Variants in SMARCAD1 observed in about 807,000 individuals in gnomAD.
SMARCAD1 encodes the protein SNF2 related chromatin remodeling ATPase with DExD box 1.
A neutral mutation model predicts 127.1 loss-of-function variants in SMARCAD1; 25 were observed. That is an observed-to-expected ratio of 0.20 (90% confidence interval 0.14 to 0.27). The LOEUF is 0.27. Ranked by LOEUF, SMARCAD1 falls within the 10% of genes least tolerant of loss-of-function variation. The pLI is 1.00. For missense variants in SMARCAD1, 807 were observed against 1,206.0 expected (o/e 0.67, Z 4.90); for synonymous variants, 400 against 396.9 (o/e 1.01, Z -0.09).
intron 2 of SMARCAD1, among the ~76,000 whole-genome samples, chr4:94,219,698 T>G (rs1743788851): frequency 6.6e-6 from 1 of 152,202 alleles, no homozygotes; most frequent in Non-Finnish European, 1.5e-5. Context: ...TTAAAACAAG[T>G]TAGCTTTTCC....
At position 94,278,704 on chromosome 4, in the gene SMARCAD1, A is replaced by G. The variant is rs142593051; in HGVS notation, c.2267A>G (p.Asn756Ser). The change falls in exon 18 of 24, where the codon AAC becomes AGC. Residue 756 changes from asparagine to serine, a missense_variant. By Grantham distance (46) the Asn-to-Ser change is conservative. Transcript: ENST00000354268. ...GAGCAACTCTATTTGGGTCTTTTCA[A>G]CAGATTGAAAAAATCTATCAATAAC... ...KQEQLYLGLF[N>S]RLKKSINNLE... The G allele has an allele frequency of 2.6e-4, 416 of 1,614,092 alleles. 2 individuals carry two copies. The African/African-American group carries it at 4.8e-3, about 18-fold the overall frequency.
chr4:94,249,247 A>G (rs1748913168), intron 6 of SMARCAD1, among the ~76,000 whole-genome samples: 1 of 152,104 alleles, frequency 6.6e-6, no homozygotes, highest in Non-Finnish European at 1.5e-5. Flanking sequence ...TCTTCTCAGA[A>G]TTTGAAATTT....
In SMARCAD1 at chr4:94,249,671, G is replaced by A. The variant is rs758064572; in HGVS notation, c.723G>A (p.Glu241=). ...TRLDHGEESN[E]SAESSSNWEK... Reference sequence around the variant, plus strand: ...CCCATTAGGGAGAGGAATCAAATGAGTCTGCAGAATCTAGCAGTAATTGGG... The same window carrying A: ...CCCATTAGGGAGAGGAATCAAATGAATCTGCAGAATCTAGCAGTAATTGGG... The change falls in exon 7 of 24, where the codon GAG becomes GAA. Residue 241 remains glutamate (E), a synonymous_variant. Transcript: ENST00000354268. 5.8e-5 allele frequency: 93 copies of A among 1,597,240 alleles called. No individual in the cohort carries two copies. The highest frequency in any genetic ancestry group is 1.2e-4 in the Admixed American group (7 of 59,912).
intron 4 of SMARCAD1, among the ~76,000 whole-genome samples, chr4:94,234,460 C>A (rs942366239): frequency 2.0e-5 from 3 of 152,122 alleles, no homozygotes; most frequent in Non-Finnish European, 4.4e-5. Context: ...ACAACTGTGA[C>A]AAGGGTTTTT....
intron 9 of SMARCAD1, among the ~76,000 whole-genome samples, chr4:94,253,995 C>G (rs1749681161): frequency 6.6e-6 from 1 of 152,080 alleles, no homozygotes; most frequent in Admixed American, 6.5e-5. Flanking sequence ...TAATTTTATA[C>G]TTGAAACAAA....
chr4:94,280,467 C>T (rs558707519), intron 19 of SMARCAD1, 125 bp from the exon 20 acceptor site: 1 of 823,274 alleles, frequency 1.2e-6, no homozygotes, highest in South Asian at 1.7e-5. Flanking sequence ...CTTGATAAGT[C>T]TGTTACACTA....
rs150153569 is a variant in SMARCAD1 at position 94,282,806 on chromosome 4, G to C, written c.2727-315G>C. Among the ~76,000 whole-genome samples, 108 of 152,024 alleles carry C rather than the reference G, an allele frequency of 7.1e-4. 1 individual carries two copies. The highest frequency in any genetic ancestry group is 2.5e-3 in the African/African-American group (105 of 41,496). ...GTAGGAGCCGATATACTTCTGAGAAGGTTAAAGATTGAAAAGCCATACACA... is the reference window on the plus strand; with the variant it reads ...GTAGGAGCCGATATACTTCTGAGAACGTTAAAGATTGAAAAGCCATACACA... On this transcript the variant is annotated intron_variant, in intron 21 of 23. Coordinates refer to ENST00000354268, the MANE Select transcript of SMARCAD1 (RefSeq NM_020159.5).
intron 10 of SMARCAD1, 140 bp from the exon 11 acceptor site, chr4:94,270,588 T>C: frequency 1.5e-6 from 1 of 650,716 alleles, no homozygotes; most frequent in Non-Finnish European, 2.8e-6. Flanking sequence ...TTCATTTTTT[T>C]TAAGTAGGTG....
chr4:94,270,478 A>G (rs540184709), intron 10 of SMARCAD1: 52 of 413,142 alleles, frequency 1.3e-4, no homozygotes, highest in African/African-American at 8.5e-4. Flanking sequence ...TGGAGGTACT[A>G]TATTATGACC....
chr4:94,221,223 A>AT (rs1744071759), intron 2 of SMARCAD1, among the ~76,000 whole-genome samples: 1 of 152,194 alleles, frequency 6.6e-6, no homozygotes, highest in South Asian at 2.1e-4. Flanking sequence ...AACAAAAGTA[A>AT]TTTTTTAATA....
intron 18 of SMARCAD1, 64 bp downstream of exon 18, chr4:94,278,797 A>T: frequency 6.3e-7 from 1 of 1,597,382 alleles, no homozygotes. Context: ...CATTTTGTTT[A>T]GTCATATAAT....
intron 2 of SMARCAD1, among the ~76,000 whole-genome samples, chr4:94,210,908 T>G (rs1448093166): frequency 4.8e-5 from 5 of 104,590 alleles, no homozygotes; most frequent in African/African-American, 1.9e-4. Context: ...CACTCCAGCC[T>G]GGGGGACAGA....
At chr4:94,251,644 G>T (rs1184918477) in intron 8 of SMARCAD1, among the ~76,000 whole-genome samples, 16 of 152,074 alleles carry the variant, frequency 1.1e-4, no homozygotes, top group African/African-American at 2.9e-4. Context: ...AAAAATAAAG[G>T]TATGATAATC....
intron 7 of SMARCAD1, among the ~76,000 whole-genome samples, chr4:94,250,477 A>G (rs1749119884): frequency 1.3e-5 from 2 of 152,092 alleles, no homozygotes; most frequent in African/African-American, 4.8e-5. Flanking sequence ...TAATTGAGAA[A>G]ACATTTCTTG....
chr4:94,219,275 T>C (rs866214895), intron 2 of SMARCAD1, among the ~76,000 whole-genome samples: 1 of 152,192 alleles, frequency 6.6e-6, no homozygotes, highest in Non-Finnish European at 1.5e-5. Flanking sequence ...GCAAGACAGG[T>C]ATAAAGGTTT....
At chr4:94,220,096 C>T (rs557411026) in intron 2 of SMARCAD1, among the ~76,000 whole-genome samples, 1 of 152,292 alleles carries the variant, frequency 6.6e-6, no homozygotes, top group Non-Finnish European at 1.5e-5. Flanking sequence ...GCAGGAATAT[C>T]TTTTTAGCCA....
chr4:94,252,512 C>T (rs1749429823), intron 8 of SMARCAD1, 104 bp from the exon 9 acceptor site: 2 of 699,488 alleles, frequency 2.9e-6, no homozygotes, highest in Admixed American at 3.5e-5. Flanking sequence ...TTGAATTCTT[C>T]TGTATTCAAT....
chr4:94,269,138 T>C (rs184783149), intron 10 of SMARCAD1, among the ~76,000 whole-genome samples: 1 of 152,348 alleles, frequency 6.6e-6, no homozygotes, highest in Non-Finnish European at 1.5e-5. Context: ...AAATGTTTTA[T>C]AAGTTGCATA....
intron 2 of SMARCAD1, among the ~76,000 whole-genome samples, chr4:94,222,888 C>T (rs1281559443): frequency 3.9e-5 from 6 of 151,962 alleles, no homozygotes; most frequent in African/African-American, 1.5e-4. Flanking sequence ...CACTTGAACC[C>T]GGGAGGCGGA....
Sources: gnomAD v4.1 joint callset for allele counts (sites outside exome capture counted in the v4.1 genomes callset) on GRCh38, gnomAD v4.1.1 for gene constraint, MANE v1.5 for transcripts, NCBI Gene and HGNC (gene_info 2026-07-23, HGNC 2026-07-21) for gene names.